PRKAR1A: variants seen among roughly 807,000 people sequenced by gnomAD.
PRKAR1A encodes the protein protein kinase cAMP-dependent type I regulatory subunit alpha.
In PRKAR1A, 3 loss-of-function variants were observed where a neutral mutation model predicts 52.0. That is an observed-to-expected ratio of 0.06 (90% CI 0.03 to 0.15). PRKAR1A has a LOEUF of 0.15. Among genes scored for constraint, PRKAR1A ranks in the 10% least tolerant of loss-of-function variants. The probability of loss-of-function intolerance (pLI) is 1.00; values close to 1 mark genes in which losing one functional copy is unlikely to be tolerated. For synonymous variants in PRKAR1A, 188 were observed against 168.4 expected (o/e 1.12, Z -0.90); for missense variants, 240 against 477.4 (o/e 0.50, Z 4.63).
the PRKAR1A span, among the ~76,000 whole-genome samples, chr17:68,427,901 C>CT: frequency 6.6e-6 from 1 of 151,734 alleles, no homozygotes; most frequent in African/African-American, 2.4e-5. Context: ...GTTTTCTTTT[C>CT]TTTTTTGAGA....
the PRKAR1A span, among the ~76,000 whole-genome samples, chr17:68,498,782 C>T: frequency 6.6e-6 from 1 of 152,178 alleles, no homozygotes; most frequent in Non-Finnish European, 1.5e-5. Context: ...CCCAAACATC[C>T]TCAGTTTCAG....
chr17:68,439,237 A>C, the PRKAR1A span, among the ~76,000 whole-genome samples: 4 of 152,256 alleles, frequency 2.6e-5, no homozygotes, highest in African/African-American at 7.2e-5. Context: ...CCCAAATGTT[A>C]TCAACTGATA....
chr17:68,525,619 G>A, intron 6 of PRKAR1A, 135 bp from the exon 7 acceptor site: 2 of 911,622 alleles, frequency 2.2e-6, no homozygotes, highest in Non-Finnish European at 3.5e-6. Context: ...TCTCTGTTGT[G>A]TACTGCAAAC....
At chr17:68,487,118 C>T in the PRKAR1A span, among the ~76,000 whole-genome samples, 3 of 152,114 alleles carry the variant, frequency 2.0e-5, no homozygotes, top group Admixed American at 1.3e-4. Context: ...GTGATCCGCC[C>T]GCCTCGGCCT....
At chr17:68,427,069 G>A in the PRKAR1A span, 3,882 of 1,334,586 alleles carry the variant, frequency 2.9e-3, 115 homozygotes, top group East Asian at 0.056. Context: ...GGGAGGGAGC[G>A]TGCAGGGAGA....
At chr17:68,522,722 G>A in intron 2 of PRKAR1A, 34 bp from the exon 3 acceptor site, 1 of 1,612,368 alleles carries the variant, frequency 6.2e-7, no homozygotes, top group Non-Finnish European at 8.5e-7. Flanking sequence ...ACATGCCGAA[G>A]GATCTCATTT....
At chr17:68,469,515 G>A in the PRKAR1A span, among the ~76,000 whole-genome samples, 5 of 152,132 alleles carry the variant, frequency 3.3e-5, no homozygotes, top group Non-Finnish European at 5.9e-5. Context: ...ATGCCCCCAT[G>A]TATAGGTGCT....
downstream of PRKAR1A, chr17:68,537,582 C>T (rs1294183071): frequency 1.2e-6 from 2 of 1,613,624 alleles, no homozygotes; most frequent in South Asian, 1.1e-5. This position sits in a 1 kb window ranked among gnomAD's most constrained non-coding sequence, Gnocchi z 4.2. Context: ...CCTCCACTGT[C>T]CTTAGGATGG....
chr17:68,550,966 A>G, intron 11 of PRKAR1A: 1 of 911,630 alleles, frequency 1.1e-6, no homozygotes, highest in South Asian at 5.7e-5. Flanking sequence ...CCTCCCCTTG[A>G]ATGGCTGAAG....
chr17:68,450,685 CG>C, the PRKAR1A span: 1 of 1,563,138 alleles, frequency 6.4e-7, no homozygotes, highest in Non-Finnish European at 8.6e-7. Context: ...GTTTGGCTCC[CG>C]TTAGCAGAAG....
the PRKAR1A span, chr17:68,444,524 C>G: frequency 1.2e-6 from 2 of 1,614,052 alleles, no homozygotes; most frequent in African/African-American, 2.7e-5. Context: ...CCAGGAGGGT[C>G]TTCAACAGCT....
chr17:68,470,948 A>C, the PRKAR1A span, among the ~76,000 whole-genome samples: 1 of 152,222 alleles, frequency 6.6e-6, no homozygotes, highest in African/African-American at 2.4e-5. Context: ...TTGACCATCA[A>C]ATTCTAGATT....
chr17:68,436,372 G>A, the PRKAR1A span: 32 of 1,612,760 alleles, frequency 2.0e-5, no homozygotes, highest in Middle Eastern at 1.6e-4. Flanking sequence ...CCAGGTCACC[G>A]TCAACTTACC....
chr17:68,420,590 C>T, the PRKAR1A span: 2 of 1,093,516 alleles, frequency 1.8e-6, no homozygotes, highest in Non-Finnish European at 2.7e-6. Flanking sequence ...TTGGAGTTAG[C>T]CTTGCATATC....
intron 1 of PRKAR1A, chr17:68,513,133 C>G (rs1051214150): frequency 1.3e-5 from 2 of 152,428 alleles, no homozygotes; most frequent in Non-Finnish European, 2.9e-5. Context: ...CAATTTTGCC[C>G]CCCTGAGGCC....
chr17:68,433,717 C>T, the PRKAR1A span: 6 of 279,072 alleles, frequency 2.1e-5, no homozygotes, highest in Admixed American at 1.4e-4. Flanking sequence ...CTGTGGTGCT[C>T]ATATTTAGAA....
chr17:68,449,826 G>T, the PRKAR1A span, among the ~76,000 whole-genome samples: 1 of 152,220 alleles, frequency 6.6e-6, no homozygotes, highest in African/African-American at 2.4e-5. Context: ...GAGAATAGAC[G>T]AATACACTCT....
the PRKAR1A span, chr17:68,457,480 GC>G: frequency 7.5e-7 from 1 of 1,340,450 alleles, no homozygotes; most frequent in Admixed American, 4.2e-5. Flanking sequence ...TCAGCAGCCC[GC>G]CCGCGCCGGC....
the PRKAR1A span, among the ~76,000 whole-genome samples, chr17:68,484,001 A>G: frequency 6.6e-6 from 1 of 152,224 alleles, no homozygotes; most frequent in Non-Finnish European, 1.5e-5. Context: ...GGGCTTTATA[A>G]TGACTTTTGA....
Sources: gnomAD v4.1 joint callset for allele counts (sites outside exome capture counted in the v4.1 genomes callset) on GRCh38, gnomAD v4.1.1 for gene constraint, Gnocchi (gnomAD v3.1) non-coding constraint, MANE v1.5 for transcripts, NCBI Gene and HGNC (gene_info 2026-07-23, HGNC 2026-07-21) for gene names.